MTMR8: variants seen among roughly 807,000 people sequenced by gnomAD.
The protein encoded by MTMR8 is phosphatidylinositol-3,5-bisphosphate 3-phosphatase MTMR8.
In MTMR8, 65 loss-of-function variants were observed where a neutral mutation model predicts 39.3. The observed-to-expected ratio is 1.65, with a 90% CI of 1.35 to 2.03. The LOEUF (loss-of-function observed/expected upper bound fraction) is 2.03. MTMR8 is among the 30% of genes most tolerant of loss of function. MTMR8 has a pLI of 0.00. For synonymous variants in MTMR8, 245 were observed against 185.2 expected (o/e 1.32, Z -2.62); for missense variants, 777 against 538.9 (o/e 1.44, Z -4.37).
At chrX:64,302,425 C>T (rs1049990114) in intron 12 of MTMR8, among the ~76,000 whole-genome samples, 2 of 112,156 alleles carry the variant, frequency 1.8e-5, no homozygotes, top group Non-Finnish European at 3.8e-5. Context: ...TGCTTCGGCT[C>T]GCGGACGGTG....
chrX:64,386,797 A>G (rs1569234237), intron 1 of MTMR8, among the ~76,000 whole-genome samples: 1 of 111,036 alleles, frequency 9.0e-6, no homozygotes, highest in East Asian at 2.8e-4. Context: ...TAATTCCAGA[A>G]CTTTGGGAGG....
intron 1 of MTMR8, among the ~76,000 whole-genome samples, chrX:64,377,587 A>G (rs1282583554): frequency 8.9e-6 from 1 of 112,589 alleles, no homozygotes; most frequent in Non-Finnish European, 1.9e-5. Flanking sequence ...TATTTACCCA[A>G]TGCCTGTACC....
At chrX:64,364,837 C>T (rs1923900363) in intron 1 of MTMR8, among the ~76,000 whole-genome samples, 1 of 111,271 alleles carries the variant, frequency 9.0e-6, no homozygotes, top group Non-Finnish European at 1.9e-5. Context: ...ATGTTCGAAC[C>T]CATCGCAAGA....
chrX:64,319,587 G>GT (rs1237089088), intron 12 of MTMR8, among the ~76,000 whole-genome samples: 1 of 111,887 alleles, frequency 8.9e-6, no homozygotes, highest in African/African-American at 3.3e-5. Context: ...TGTATAAGGT[G>GT]TAAGGAAGGG....
chrX:64,288,461 G>T (rs189281737), intron 12 of MTMR8, among the ~76,000 whole-genome samples: 14 of 111,641 alleles, frequency 1.3e-4, no homozygotes, highest in Admixed American at 4.8e-4. Flanking sequence ...ACAGTGTGGC[G>T]ATTCCTCAGG....
At chrX:64,291,542 CTTG>C (rs1354384410) in intron 12 of MTMR8, among the ~76,000 whole-genome samples, 2 of 111,007 alleles carry the variant, frequency 1.8e-5, no homozygotes, top group Non-Finnish European at 3.8e-5. Context: ...CCTCAAAAAG[CTTG>C]TTGTGTGCTA....
chrX:64,390,159 T>A (rs1924657989), intron 1 of MTMR8, among the ~76,000 whole-genome samples: 2 of 112,129 alleles, frequency 1.8e-5, no homozygotes, highest in African/African-American at 6.5e-5. Flanking sequence ...CCATGAAGAC[T>A]GGGAGGAAGC....
Position 64,353,296 on chromosome X carries a change from G to A in MTMR8, c.468+1481C>T, listed in dbSNP as rs758935257. Among the ~76,000 whole-genome samples the A allele has an allele frequency of 2.3e-3, 256 of 112,090 alleles. 1 individual carries two copies. Among genetic ancestry groups the A allele is most frequent in the Non-Finnish European group, 4.2e-3 (222 of 53,182 alleles). ...CATGGCAAAGGAAACAACCAACAAA[G>A]TGAAAAGACAACCCACAGAATAGGA... On this transcript the variant is annotated intron_variant, in intron 4 of 13. Transcript: ENST00000374852.
chrX:64,324,577 C>T (rs1430550497), intron 12 of MTMR8, among the ~76,000 whole-genome samples: 3 of 109,960 alleles, frequency 2.7e-5, no homozygotes, highest in Non-Finnish European at 1.9e-5. Context: ...CCCAGATACT[C>T]AGGGAGCTGA....
In MTMR8 at chrX:64,268,370, T is replaced by C. The variant is rs947018489; in HGVS notation, c.*167A>G. 4.4e-5 allele frequency: 22 copies of C among 501,312 alleles called. No homozygotes were observed. The highest frequency in any genetic ancestry group is 6.8e-5 in the Non-Finnish European group (21 of 308,773). 41.3% of individuals were successfully genotyped at this position (501,312 alleles called of 1,213,427 possible). ...CACTCTGTACTGCTTAATATGAACA[T>C]ATTGGTCACTTAATCAGTAAAGTAA... On this transcript the variant is annotated 3_prime_UTR_variant, in exon 14 of 14. Coordinates refer to ENST00000374852, the MANE Select transcript of MTMR8 (RefSeq NM_017677.4).
chrX:64,382,167 G>T (rs1387209733), intron 1 of MTMR8, among the ~76,000 whole-genome samples: 1 of 111,504 alleles, frequency 9.0e-6, no homozygotes, highest in Non-Finnish European at 1.9e-5. Context: ...GATGGGGATG[G>T]CATTGAATCT....
intron 12 of MTMR8, among the ~76,000 whole-genome samples, chrX:64,319,427 T>G (rs1480903908): frequency 1.8e-5 from 2 of 112,426 alleles, no homozygotes; most frequent in South Asian, 3.7e-4. Flanking sequence ...ATTTGTCAAT[T>G]TTGGCTTTTG....
intron 1 of MTMR8, among the ~76,000 whole-genome samples, chrX:64,376,652 A>C (rs1390689678): frequency 8.9e-6 from 1 of 112,567 alleles, no homozygotes; most frequent in Non-Finnish European, 1.9e-5. Context: ...TTATATTTAA[A>C]AGAGAAGCAC....
At chrX:64,348,597 A>C in intron 6 of MTMR8, 63 bp downstream of exon 6, 1 of 1,165,259 alleles carries the variant, frequency 8.6e-7, no homozygotes, top group Non-Finnish European at 1.2e-6. Context: ...TGCATGTCTC[A>C]ATATATGAGG....
intron 12 of MTMR8, among the ~76,000 whole-genome samples, chrX:64,315,689 A>T (rs1378726798): frequency 9.9e-5 from 11 of 110,608 alleles, no homozygotes; most frequent in African/African-American, 2.6e-4. Context: ...CACTCTGCTA[A>T]TTTTTTTCAT....
At chrX:64,309,907 A>G (rs1027101319) in intron 12 of MTMR8, among the ~76,000 whole-genome samples, 1 of 112,187 alleles carries the variant, frequency 8.9e-6, no homozygotes, top group Admixed American at 9.5e-5. Flanking sequence ...GCAGGTAGTA[A>G]TCTTTTTGCT....
chrX:64,284,189 G>A (rs1262671358), intron 12 of MTMR8, among the ~76,000 whole-genome samples: 3 of 112,291 alleles, frequency 2.7e-5, no homozygotes, highest in Non-Finnish European at 5.6e-5. Context: ...ACAAGCTTCA[G>A]TAGATGATTC....
At chrX:64,324,082 C>T (rs1178583515) in intron 12 of MTMR8, among the ~76,000 whole-genome samples, 1 of 112,603 alleles carries the variant, frequency 8.9e-6, no homozygotes, top group Non-Finnish European at 1.9e-5. Flanking sequence ...AATGAAAGTG[C>T]CCAGGCACAG....
At chrX:64,324,233 G>A (rs951878385) in intron 12 of MTMR8, among the ~76,000 whole-genome samples, 3 of 111,263 alleles carry the variant, frequency 2.7e-5, no homozygotes, top group African/African-American at 9.8e-5. Context: ...GTGGTTGCAT[G>A]TACCAGTAGT....
Sources: gnomAD v4.1 joint callset for allele counts (sites outside exome capture counted in the v4.1 genomes callset) on GRCh38, gnomAD v4.1.1 for gene constraint, MANE v1.5 for transcripts, NCBI Gene and HGNC (gene_info 2026-07-23, HGNC 2026-07-21) for gene names.